PSD3: variants seen among roughly 807,000 people sequenced by gnomAD.
The protein encoded by PSD3 is pleckstrin and Sec7 domain containing 3.
A neutral mutation model predicts 105.5 loss-of-function variants in PSD3; 49 were observed. The observed-to-expected ratio is 0.46, with a 90% CI of 0.37 to 0.59. The LOEUF (loss-of-function observed/expected upper bound fraction) is 0.59, where lower values mean the gene tolerates loss of function less well. PSD3 is among the 20% of genes least tolerant of loss of function. PSD3 has a pLI of 0.00. For missense variants in PSD3, 1,561 were observed against 1,263.8 expected (o/e 1.24, Z -3.57); for synonymous variants, 557 against 457.8 (o/e 1.22, Z -2.77).
intron 4 of PSD3, among the ~76,000 whole-genome samples, chr8:18,851,168 G>C (rs1459915953): frequency 2.0e-5 from 3 of 152,170 alleles, no homozygotes; most frequent in African/African-American, 7.2e-5. Context: ...AGTCCATCTA[G>C]CACTTTCCCA....
intron 1 of PSD3, among the ~76,000 whole-genome samples, chr8:18,957,514 T>A (rs1823651229): frequency 8.2e-6 from 1 of 122,528 alleles, no homozygotes; most frequent in African/African-American, 3.2e-5. Context: ...CCACATCTCA[T>A]CCATCTCTGT....
chr8:18,692,043 CCTT>C (rs1218452185), intron 9 of PSD3, among the ~76,000 whole-genome samples: 1 of 152,096 alleles, frequency 6.6e-6, no homozygotes, highest in Non-Finnish European at 1.5e-5. Context: ...TTCTATCAGT[CCTT>C]AATAATGTCA....
At chr8:18,873,128 A>G (rs75977665) in intron 2 of PSD3, among the ~76,000 whole-genome samples, 7,039 of 152,312 alleles carry the variant, frequency 0.046, 191 homozygotes, top group Middle Eastern at 0.085. Flanking sequence ...GCTTAACACT[A>G]AAGAGCCCTA....
chr8:18,786,393 T>G (rs1295562596), intron 8 of PSD3, among the ~76,000 whole-genome samples: 1 of 152,202 alleles, frequency 6.6e-6, no homozygotes, highest in Non-Finnish European at 1.5e-5. Context: ...TCATAACATT[T>G]TAAAACAGTA....
intron 8 of PSD3, among the ~76,000 whole-genome samples, chr8:18,787,814 T>C (rs934329929): frequency 1.3e-5 from 2 of 152,232 alleles, no homozygotes; most frequent in Admixed American, 6.5e-5. Context: ...ATCCTCAATA[T>C]GTTTAATACA....
chr8:18,803,527 A>G (rs561651689), intron 6 of PSD3, among the ~76,000 whole-genome samples: 322 of 152,118 alleles, frequency 2.1e-3, no homozygotes, highest in Non-Finnish European at 3.4e-3. Flanking sequence ...TCACAATAGC[A>G]AAAGCATGGA....
rs1816802522 is a variant in PSD3, at chr8:18,865,264, ATATATATATATATATATATATATT to A, written c.1634+2386_1634+2409del. The A allele has an allele frequency of 9.3e-3, 32 of 3,434 alleles. 3 individuals are homozygous for A. Among genetic ancestry groups the A allele is most frequent in the Admixed American group, 0.017 (4 of 232 alleles). The allele number at this position is 3,434 out of a possible 1,614,324, so 0.2% of individuals were successfully genotyped here. On this transcript the variant is annotated intron_variant, in intron 4 of 15. Coordinates refer to ENST00000327040, the MANE Select transcript of PSD3 (RefSeq NM_015310.4). ...TATATATATATATATATATATATAT[ATATATATATATATATATATATATT>A]TTTTTTTTTTTTTTTTTTTTTAAAG... is the stretch of plus-strand genomic sequence containing the variant.
chr8:18,732,545 T>A (rs1803838629), intron 9 of PSD3, among the ~76,000 whole-genome samples: 1 of 152,218 alleles, frequency 6.6e-6, no homozygotes, highest in Non-Finnish European at 1.5e-5. Context: ...GTCCAATGTA[T>A]GAGCATGGTG....
At chr8:18,574,075 T>C (rs1802327957) in intron 13 of PSD3, among the ~76,000 whole-genome samples, 1 of 152,080 alleles carries the variant, frequency 6.6e-6, no homozygotes, top group South Asian at 2.1e-4. Context: ...TTAATAAATA[T>C]TTGCAAACTC....
Position 18,753,354 on chromosome 8 carries a change from C to CAA in PSD3, c.2172+12093_2172+12094dup, listed in dbSNP as rs558680452. 5.2e-3 allele frequency among the ~76,000 whole-genome samples: 732 copies of CAA among 140,240 alleles called. 5 individuals carry two copies. Among genetic ancestry groups the CAA allele is most frequent in the African/African-American group, 0.018 (695 of 38,652 alleles). 92.0% of individuals were successfully genotyped at this position (140,240 alleles called of 152,430 possible). Reference sequence around the variant, plus strand: ...AGGGGACAGAGCGAGACTCCAACTCCAAAAAAAAAAAAATCCACACAAAAG... The same window carrying CAA: ...AGGGGACAGAGCGAGACTCCAACTCCAAAAAAAAAAAAAAATCCACACAAAAG... On this transcript the variant is annotated intron_variant, in intron 9 of 15. Transcript: ENST00000327040.
intron 1 of PSD3, among the ~76,000 whole-genome samples, chr8:18,936,433 TA>T (rs1326926838): frequency 6.6e-6 from 1 of 152,224 alleles, no homozygotes; most frequent in African/African-American, 2.4e-5. Flanking sequence ...GGTCGGTTTT[TA>T]AAAAATTAAC....
intron 2 of PSD3, among the ~76,000 whole-genome samples, chr8:18,906,441 G>A (rs981816568): frequency 6.6e-6 from 1 of 152,200 alleles, no homozygotes; most frequent in African/African-American, 2.4e-5. Flanking sequence ...GAAATTCATA[G>A]TTAGGAGCAA....
chr8:18,836,676 T>G (rs1409593581), intron 4 of PSD3, among the ~76,000 whole-genome samples: 1 of 152,194 alleles, frequency 6.6e-6, no homozygotes, highest in South Asian at 2.1e-4. Flanking sequence ...TATTTGCATA[T>G]AGCCTACACA....
At chr8:18,774,676 C>T in intron 8 of PSD3, 4 of 364,790 alleles carry the variant, frequency 1.1e-5, no homozygotes, top group Non-Finnish European at 1.1e-5. Context: ...GGCCACAGAT[C>T]TGGGGGCTAG....
At chr8:18,665,832 G>C (rs981264811) in intron 9 of PSD3, among the ~76,000 whole-genome samples, 3 of 152,172 alleles carry the variant, frequency 2.0e-5, no homozygotes, top group African/African-American at 7.2e-5. Flanking sequence ...GCCTGGGTGA[G>C]ACAGCGAGAC....
chr8:18,700,028 T>C (rs1344102100), intron 9 of PSD3, among the ~76,000 whole-genome samples: 3 of 152,222 alleles, frequency 2.0e-5, no homozygotes, highest in South Asian at 2.1e-4. Flanking sequence ...AAAAAATTGG[T>C]AATGTGAGGC....
intron 15 of PSD3, among the ~76,000 whole-genome samples, chr8:18,536,448 C>T (rs1489373228): frequency 6.6e-6 from 1 of 152,156 alleles, no homozygotes; most frequent in East Asian, 1.9e-4. Context: ...CTTGAGGGAC[C>T]ATTCCGTGGC....
At chr8:18,858,674 C>A (rs1347733164) in intron 4 of PSD3, among the ~76,000 whole-genome samples, 1 of 152,166 alleles carries the variant, frequency 6.6e-6, no homozygotes, top group East Asian at 1.9e-4. Flanking sequence ...TTTTCATCAG[C>A]AGTAGACTTC....
At chr8:18,543,768 G>T (rs1563306014) in intron 15 of PSD3, among the ~76,000 whole-genome samples, 1 of 152,062 alleles carries the variant, frequency 6.6e-6, no homozygotes, top group Non-Finnish European at 1.5e-5. Flanking sequence ...AATGTTAATT[G>T]TGTTTTGAAA....
Sources: gnomAD v4.1 joint callset for allele counts (sites outside exome capture counted in the v4.1 genomes callset) on GRCh38, gnomAD v4.1.1 for gene constraint, MANE v1.5 for transcripts, NCBI Gene and HGNC (gene_info 2026-07-23, HGNC 2026-07-21) for gene names.